FRMPD4: variants seen among roughly 807,000 people sequenced by gnomAD.
FRMPD4 encodes the protein FERM and PDZ domain-containing protein 4.
Under a neutral mutation model 94.1 loss-of-function variants are expected in FRMPD4, and 22 were observed. The ratio of observed to expected loss-of-function variants is 0.23; its 90% CI spans 0.17 to 0.33. The LOEUF (loss-of-function observed/expected upper bound fraction) is 0.33, where lower values mean the gene tolerates loss of function less well. Ranked by LOEUF, FRMPD4 falls within the 10% of genes least tolerant of loss-of-function variation. The probability of loss-of-function intolerance (pLI) is 1.00; values close to 1 mark genes in which losing one functional copy is unlikely to be tolerated. For synonymous variants in FRMPD4, 631 were observed against 548.6 expected, an observed-to-expected ratio of 1.15 and a Z score of -2.10; for missense variants, 1,111 against 1,339.9, an observed-to-expected ratio of 0.83 and a Z score of 2.67.
intron 9 of FRMPD4, among the ~76,000 whole-genome samples, chrX:12,701,067 C>CTTTTTT (rs34465193): frequency 8.7e-4 from 49 of 56,562 alleles, no homozygotes; most frequent in South Asian, 1.2e-3. Flanking sequence ...GTTTTGGCTT[C>CTTTTTT]TTTTTTTTTT....
intron 2 of FRMPD4, among the ~76,000 whole-genome samples, chrX:12,508,859 G>T (rs975935646): frequency 1.8e-5 from 2 of 108,670 alleles, no homozygotes; most frequent in African/African-American, 6.7e-5. Flanking sequence ...AGGCATGGTG[G>T]TGCGTGCCTA....
Position 12,509,737 on chromosome X carries a change from TA to T in FRMPD4, c.158+10951del, listed in dbSNP as rs202156318. Among the ~76,000 whole-genome samples the T allele has an allele frequency of 4.9e-4, 53 of 108,402 alleles. 1 individual carries two copies. Among genetic ancestry groups the T allele is most frequent in the South Asian group, 7.7e-4 (2 of 2,582 alleles). 94.1% of individuals were successfully genotyped at this position (108,402 alleles called of 115,157 possible). ...CTGTTCCCCCAATAACCTATGGAAATAAAAAAAAAATTATAAGAATTTAGGC... is the reference window on the plus strand; with the variant it reads ...CTGTTCCCCCAATAACCTATGGAAATAAAAAAAAATTATAAGAATTTAGGC... On this transcript the variant is annotated intron_variant, in intron 2 of 16. Transcript: ENST00000675598.
chrX:12,713,460 G>T (rs4830474), intron 14 of FRMPD4, among the ~76,000 whole-genome samples: 47,514 of 108,764 alleles, frequency 0.44, 7,727 homozygotes, highest in East Asian at 0.81. Context: ...CACTCTCAAA[G>T]ATACAGGGCG....
intron 3 of FRMPD4, among the ~76,000 whole-genome samples, chrX:11,955,501 T>TGTATGTAC (rs1188856918): frequency 6.3e-5 from 7 of 110,312 alleles, no homozygotes; most frequent in African/African-American, 2.3e-4. Flanking sequence ...TATGTATGTA[T>TGTATGTAC]GTATGTTTGG....
chrX:12,073,535 C>T (rs2054987619), intron 3 of FRMPD4, among the ~76,000 whole-genome samples: 1 of 111,728 alleles, frequency 9.0e-6, no homozygotes, highest in African/African-American at 3.3e-5. Context: ...CGTCAATGGT[C>T]TTGATTTGTC....
chrX:12,699,931 G>A (rs930667711), intron 9 of FRMPD4, among the ~76,000 whole-genome samples: 5 of 112,311 alleles, frequency 4.5e-5, no homozygotes, highest in Admixed American at 3.8e-4. Context: ...ATTCTTCTTG[G>A]CCTCTCTGAG....
intron 1 of FRMPD4, among the ~76,000 whole-genome samples, chrX:12,351,813 A>G (rs1228283448): frequency 8.9e-6 from 1 of 112,867 alleles, no homozygotes; most frequent in Non-Finnish European, 1.9e-5. Context: ...TCATCAATGT[A>G]GTGGTATGTA....
intron 1 of FRMPD4, among the ~76,000 whole-genome samples, chrX:12,445,459 C>CA (rs2057183971): frequency 8.9e-6 from 1 of 112,349 alleles, no homozygotes; most frequent in Admixed American, 9.4e-5. Context: ...AAAAGATGTG[C>CA]AAAAACAGAT....
intron 1 of FRMPD4, among the ~76,000 whole-genome samples, chrX:12,372,924 G>C (rs1053971087): frequency 1.8e-5 from 2 of 111,589 alleles, no homozygotes; most frequent in Non-Finnish European, 3.8e-5. Context: ...TCTGGGACTG[G>C]GTCCTCAGGA....
intron 1 of FRMPD4, among the ~76,000 whole-genome samples, chrX:11,860,816 T>A (rs2053682140): frequency 8.9e-6 from 1 of 111,757 alleles, no homozygotes; most frequent in Non-Finnish European, 1.9e-5. Context: ...TGGGATGAGT[T>A]TTAAGGGCTT....
At chrX:12,053,380 AAGAAAGAAAG>A (rs2054832167) in intron 3 of FRMPD4, among the ~76,000 whole-genome samples, 7 of 92,301 alleles carry the variant, frequency 7.6e-5, no homozygotes, top group African/African-American at 2.7e-4. Flanking sequence ...GAAAGAAAGA[AAGAAAGAAAG>A]AAAGAAAGAA....
intron 1 of FRMPD4, among the ~76,000 whole-genome samples, chrX:12,158,740 C>T (rs749981967): frequency 8.9e-6 from 1 of 112,326 alleles, no homozygotes; most frequent in Admixed American, 9.4e-5. Context: ...CCAATCTATT[C>T]ATCCATTCTA....
At chrX:12,193,282 T>C (rs1325859137) in intron 1 of FRMPD4, among the ~76,000 whole-genome samples, 11 of 111,668 alleles carry the variant, frequency 9.9e-5, no homozygotes, top group African/African-American at 3.6e-4. Context: ...CTGTTGACTT[T>C]GGAAGCTTTG....
At chrX:12,212,692 G>A (rs1331452238) in intron 1 of FRMPD4, among the ~76,000 whole-genome samples, 1 of 111,923 alleles carries the variant, frequency 8.9e-6, no homozygotes, top group Non-Finnish European at 1.9e-5. Context: ...AAGTTAATGA[G>A]TCAAAAATTC....
chrX:11,979,349 T>A (rs1376075743), intron 3 of FRMPD4, among the ~76,000 whole-genome samples: 2 of 112,459 alleles, frequency 1.8e-5, no homozygotes, highest in African/African-American at 6.5e-5. Flanking sequence ...TTGTTCCCTA[T>A]TTGTTCTTTT....
At chrX:12,300,637 G>C (rs1291215915) in intron 1 of FRMPD4, among the ~76,000 whole-genome samples, 3 of 112,121 alleles carry the variant, frequency 2.7e-5, no homozygotes, top group Non-Finnish European at 5.6e-5. Context: ...TTTGAGATAG[G>C]TGCAAGGTAA....
At chrX:12,201,282 A>G (rs2056628405) in intron 1 of FRMPD4, among the ~76,000 whole-genome samples, 1 of 112,525 alleles carries the variant, frequency 8.9e-6, no homozygotes, top group African/African-American at 3.2e-5. Flanking sequence ...ATTTTTTATA[A>G]TCAGGAGGAA....
chrX:12,693,670 T>C (rs1427097073), intron 8 of FRMPD4, among the ~76,000 whole-genome samples: 1 of 112,272 alleles, frequency 8.9e-6, no homozygotes, highest in Non-Finnish European at 1.9e-5. Flanking sequence ...ATTGCAATAG[T>C]CAGTCTGGAG....
intron 3 of FRMPD4, among the ~76,000 whole-genome samples, chrX:11,912,246 G>A (rs948206112): frequency 1.8e-5 from 2 of 112,258 alleles, no homozygotes; most frequent in African/African-American, 3.2e-5. Context: ...ATTGTTATAT[G>A]TAGCTCAGGC....
Sources: gnomAD v4.1 joint callset for allele counts (sites outside exome capture counted in the v4.1 genomes callset) on GRCh38, gnomAD v4.1.1 for gene constraint, MANE v1.5 for transcripts, NCBI Gene and HGNC (gene_info 2026-07-23, HGNC 2026-07-21) for gene names.